Variants in MAF observed in about 807,000 individuals in gnomAD.
MAF encodes MAF bZIP transcription factor, also known as transcription factor Maf.
A neutral mutation model predicts 22.0 loss-of-function variants in MAF; 10 were observed. The ratio of observed to expected loss-of-function variants is 0.45; its 90% CI spans 0.28 to 0.77. The LOEUF (loss-of-function observed/expected upper bound fraction) is 0.77. MAF is among the 30% of genes least tolerant of loss of function. The probability of loss-of-function intolerance (pLI) is 0.12; values close to 1 mark genes in which losing one functional copy is unlikely to be tolerated. For missense variants in MAF, 544 were observed against 548.4 expected (o/e 0.99, Z 0.08); for synonymous variants, 337 against 255.8 (o/e 1.32, Z -3.03).
At chr16:79,505,519 C>G in the MAF span, 2 of 152,288 alleles carry the variant, frequency 1.3e-5, no homozygotes, top group African/African-American at 4.8e-5. Flanking sequence ...CCAGTATGTC[C>G]GGAAGCTCTT....
At chr16:79,222,397 A>G in the MAF span, among the ~76,000 whole-genome samples, 1 of 152,226 alleles carries the variant, frequency 6.6e-6, no homozygotes, top group African/African-American at 2.4e-5. Context: ...CAAATTGTAA[A>G]GACCATCAAC....
chr16:79,527,516 G>A, the MAF span, among the ~76,000 whole-genome samples: 1 of 152,104 alleles, frequency 6.6e-6, no homozygotes, highest in Non-Finnish European at 1.5e-5. Flanking sequence ...GCCAACATTT[G>A]GTGACATTAC....
the MAF span, among the ~76,000 whole-genome samples, chr16:79,325,577 A>G: frequency 6.7e-6 from 1 of 149,274 alleles, no homozygotes; most frequent in Non-Finnish European, 1.5e-5. Context: ...ACAGATGCCC[A>G]CACACAGATA....
the MAF span, among the ~76,000 whole-genome samples, chr16:79,210,476 G>C: frequency 6.6e-6 from 1 of 152,170 alleles, no homozygotes; most frequent in Non-Finnish European, 1.5e-5. Flanking sequence ...GGGTCGGAAA[G>C]CCATTTCCCC....
chr16:79,263,878 C>A, the MAF span, among the ~76,000 whole-genome samples: 2 of 151,754 alleles, frequency 1.3e-5, no homozygotes, highest in African/African-American at 4.9e-5. Flanking sequence ...GCTCCACAAC[C>A]ACCATTTCTA....
the MAF span, among the ~76,000 whole-genome samples, chr16:79,267,134 C>A: frequency 7.2e-5 from 11 of 152,318 alleles, no homozygotes; most frequent in East Asian, 1.9e-3. Context: ...ATCTCAGAAG[C>A]CTAGAACAAC....
the MAF span, among the ~76,000 whole-genome samples, chr16:79,363,630 G>A: frequency 1.3e-5 from 2 of 152,150 alleles, no homozygotes; most frequent in Non-Finnish European, 2.9e-5. Flanking sequence ...TAAGTCCAGA[G>A]CATCTGTAAT....
the MAF span, among the ~76,000 whole-genome samples, chr16:79,396,259 C>T: frequency 3.9e-5 from 6 of 152,178 alleles, no homozygotes; most frequent in African/African-American, 1.4e-4. Context: ...GGACCTACCC[C>T]AGTTCCACAT....
At chr16:79,481,504 G>A in the MAF span, among the ~76,000 whole-genome samples, 1 of 151,598 alleles carries the variant, frequency 6.6e-6, no homozygotes, top group African/African-American at 2.4e-5. Flanking sequence ...ACCTCTCCAT[G>A]CCCCTAACAG....
the MAF span, among the ~76,000 whole-genome samples, chr16:79,232,449 G>C: frequency 3.3e-5 from 5 of 151,980 alleles, no homozygotes; most frequent in Non-Finnish European, 5.9e-5. Context: ...TAGTTGACTC[G>C]ACAATTTCTC....
chr16:79,513,007 G>C, the MAF span, among the ~76,000 whole-genome samples: 1 of 152,254 alleles, frequency 6.6e-6, no homozygotes, highest in African/African-American at 2.4e-5. Flanking sequence ...CACAGAGCTA[G>C]GTCTGCCCAG....
chr16:79,547,205 GCACACCCCTACA>G, the MAF span, among the ~76,000 whole-genome samples: 17 of 151,642 alleles, frequency 1.1e-4, no homozygotes, highest in African/African-American at 3.1e-4. Flanking sequence ...ATCCCTCCAT[GCACACCCCTACA>G]CACACCCCTA....
At chr16:79,287,674 T>G in the MAF span, among the ~76,000 whole-genome samples, 2 of 152,260 alleles carry the variant, frequency 1.3e-5, no homozygotes, top group African/African-American at 4.8e-5. Flanking sequence ...GCCATTTATT[T>G]GCTCATTCAT....
the MAF span, chr16:79,211,564 CCTTTT>C: frequency 8.7e-6 from 14 of 1,613,428 alleles, no homozygotes; most frequent in South Asian, 1.2e-4. Context: ...TCTCATCACT[CCTTTT>C]CTTAAAATTT....
chr16:79,270,100 G>A, the MAF span, among the ~76,000 whole-genome samples: 1 of 151,916 alleles, frequency 6.6e-6, no homozygotes, highest in African/African-American at 2.4e-5. Flanking sequence ...TTCTCGGGGT[G>A]GGTGGAAGGA....
chr16:79,247,363 T>C, the MAF span, among the ~76,000 whole-genome samples: 3,451 of 152,310 alleles, frequency 0.023, 45 homozygotes, highest in Middle Eastern at 0.071. Context: ...GCCAGTCCCA[T>C]ATTATCAATG....
chr16:79,543,591 T>G, the MAF span, among the ~76,000 whole-genome samples: 3 of 152,152 alleles, frequency 2.0e-5, no homozygotes, highest in Non-Finnish European at 4.4e-5. Flanking sequence ...ACGTTCTGGG[T>G]AACATAATAT....
the MAF span, among the ~76,000 whole-genome samples, chr16:79,298,632 G>A: frequency 5.3e-5 from 8 of 152,240 alleles, no homozygotes; most frequent in Non-Finnish European, 1.2e-4. Context: ...AGCATGCAAA[G>A]ACCCAGGGAA....
chr16:79,269,236 C>G, the MAF span, among the ~76,000 whole-genome samples: 1 of 152,138 alleles, frequency 6.6e-6, no homozygotes, highest in African/African-American at 2.4e-5. Flanking sequence ...GGCTGTTTAG[C>G]AAAGGAGTGA....
Sources: allele counts gnomAD v4.1 joint callset (sites outside exome capture counted in the v4.1 genomes callset), GRCh38; gene constraint gnomAD v4.1.1; transcripts MANE v1.5; gene names NCBI Gene and HGNC (gene_info 2026-07-23, HGNC 2026-07-21).